GINM1: variants seen among roughly 807,000 people sequenced by gnomAD.
The protein encoded by GINM1 is glycoprotein integral membrane protein 1.
A neutral mutation model predicts 37.8 loss-of-function variants in GINM1; 29 were observed. The observed-to-expected ratio is 0.77, with a 90% confidence interval of 0.57 to 1.05. The LOEUF (loss-of-function observed/expected upper bound fraction) is 1.05. Among genes scored for constraint, GINM1 ranks in the 50% least tolerant of loss-of-function variants. GINM1 has a pLI of 0.00. For missense variants in GINM1, 377 were observed against 397.9 expected, an observed-to-expected ratio of 0.95 and a Z score of 0.45; for synonymous variants, 143 against 146.2, an observed-to-expected ratio of 0.98 and a Z score of 0.16.
intron 7 of GINM1, among the ~76,000 whole-genome samples, chr6:149,588,176 G>A (rs1344763596): frequency 7.9e-5 from 12 of 152,168 alleles, no homozygotes; most frequent in Admixed American, 7.9e-4. Flanking sequence ...ACAAGTAATT[G>A]TATTAACTCC....
In GINM1 at chr6:149,566,645, CG is replaced by C; in HGVS notation, c.120+114del. The C allele has an allele frequency of 7.5e-7, 1 of 1,334,908 alleles. No individual in the cohort carries two copies. Among genetic ancestry groups the C allele is most frequent in the Non-Finnish European group, 9.7e-7 (1 of 1,031,532 alleles). The allele number at this position is 1,334,908 out of a possible 1,614,324, so 82.7% of individuals were successfully genotyped here. On this transcript the variant is annotated intron_variant, in intron 1 of 7. Coordinates refer to ENST00000367419, the MANE Select transcript of GINM1 (RefSeq NM_138785.5). This position sits in a 1 kb window ranked among gnomAD's most constrained non-coding sequence, Gnocchi z 4.4. ...CCACCGGCGGGCAGGGGCGGGGGTC[CG>C]GGCCCCCGAAGGAGGTGTGGGGAGA...
intron 3 of GINM1, among the ~76,000 whole-genome samples, chr6:149,573,789 T>C (rs1053700593): frequency 6.6e-5 from 10 of 151,118 alleles, no homozygotes; most frequent in South Asian, 2.1e-4. Flanking sequence ...ATCGCCACTG[T>C]ACTCCAGCCT....
At chr6:149,589,758 T>G (rs1370370110) in intron 7 of GINM1, among the ~76,000 whole-genome samples, 1 of 152,212 alleles carries the variant, frequency 6.6e-6, no homozygotes. Flanking sequence ...GTGATCTATT[T>G]GTCTATTCCT....
chr6:149,586,066 C>T (rs999551995), intron 7 of GINM1, among the ~76,000 whole-genome samples: 5 of 152,044 alleles, frequency 3.3e-5, no homozygotes, highest in African/African-American at 1.2e-4. Context: ...TGTGTTAAGC[C>T]ATTTTGTGTT....
Position 149,583,855 on chromosome 6 carries a change from G to C in GINM1, c.881+1252G>C, listed in dbSNP as rs992058213. On this transcript the variant is annotated intron_variant, in intron 7 of 7. Transcript: ENST00000367419. ...AGTTATCTCTAATGAGTGGGAATGA[G>C]AGCAGAGGTGGAGAGACTGACTTTG... is the stretch of plus-strand genomic sequence containing the variant. Among the ~76,000 whole-genome samples, 3 of 152,130 alleles carry C rather than the reference G, an allele frequency of 2.0e-5. No individual in the cohort carries two copies. The East Asian group carries it at 5.8e-4, about 29-fold the overall frequency.
chr6:149,580,748 A>G lies in GINM1; in HGVS notation c.717+25A>G, dbSNP rs199626575. 3,264 of 1,604,324 alleles carry G rather than the reference A, an allele frequency of 2.0e-3. 4 individuals carry two copies. Among genetic ancestry groups the G allele is most frequent in the Non-Finnish European group, 2.5e-3 (2,956 of 1,172,794 alleles). On this transcript the variant is annotated intron_variant, in intron 6 of 7. Transcript: ENST00000367419. ...GGTAAATCAAGTATTTGGTGTTATC[A>G]TAAGCATTCATGGTTAAGATGAAGA...
intron 3 of GINM1, 70 bp from the exon 4 acceptor site, chr6:149,578,752 A>G: frequency 1.0e-5 from 11 of 1,083,096 alleles, no homozygotes; most frequent in Non-Finnish European, 1.5e-5. Context: ...ATGTCATCAA[A>G]ATAATCACAC....
At position 149,572,587 on chromosome 6, in the gene GINM1, C is replaced by G; in HGVS notation, c.261C>G (p.Ser87Arg). Residue 87 changes from serine (S) to arginine (R), a missense_variant, in exon 3 of 8, where the codon AGC becomes AGG. Ser to Arg is a moderately radical substitution (Grantham distance 110). Coordinates refer to ENST00000367419, the MANE Select transcript of GINM1 (RefSeq NM_138785.5). ...LPVNSGVTRI[S>R]CQTLIVKNEN... ...TAAATAGTGGTGTAACCCGAATAAG[C>G]TGTCAGACTTTGATAGGTGAGTATT... 5 of 1,583,958 alleles carry G rather than the reference C, an allele frequency of 3.2e-6. No individual in the cohort carries two copies. Among genetic ancestry groups the G allele is most frequent in the Non-Finnish European group, 4.3e-6 (5 of 1,153,376 alleles).
rs766681110 is a variant in GINM1, at chr6:149,582,548, G to A, written c.826G>A (p.Gly276Arg). The A allele has an allele frequency of 1.9e-6, 3 of 1,611,550 alleles. No individual in the cohort carries two copies. The highest frequency in any genetic ancestry group is 2.5e-6 in the Non-Finnish European group (3 of 1,179,276). The change falls in exon 7 of 8, where the codon GGA becomes AGA. Residue 276 changes from glycine (G) to arginine (R), a missense_variant. By Grantham distance (125) the Gly-to-Arg change is moderately radical (BLOSUM62 -2). Transcript: ENST00000367419. ...GAACATCATGGTGGTTGGAATTACA[G>A]GAGCAGCTGTGGTAATAACCATCTT... Reference protein sequence around the residue: ...FLNIMVVGITGAAVVITILKV... With the variant: ...FLNIMVVGITRAAVVITILKV...
At chr6:149,589,933 G>C (rs549697696) in intron 7 of GINM1, among the ~76,000 whole-genome samples, 1 of 152,262 alleles carries the variant, frequency 6.6e-6, no homozygotes, top group African/African-American at 2.4e-5. Flanking sequence ...TGAATAGCTA[G>C]CTAGCTGGGA....
At position 149,566,506 on chromosome 6, in the gene GINM1, A is replaced by AGAC; in HGVS notation, c.93_94insACG (p.Glu31_Pro32insThr). The AGAC allele has an allele frequency of 6.5e-7, 1 of 1,533,256 alleles. No homozygotes were observed. The highest frequency in any genetic ancestry group is 8.7e-7 in the Non-Finnish European group (1 of 1,149,214). The allele number at this position is 1,533,256 out of a possible 1,614,324, so 95.0% of individuals were successfully genotyped here. On this transcript the variant is annotated inframe_insertion, in exon 1 of 8. Coordinates refer to ENST00000367419, the MANE Select transcript of GINM1 (RefSeq NM_138785.5). This position sits in a 1 kb window ranked among gnomAD's most constrained non-coding sequence, Gnocchi z 4.4. ...GGCTGGCTGACGACGGGCGCCCCCG[A>AGAC]GCCGCCGCCGCTGTCCGGAGCCCCA...
At chr6:149,579,715 A>C in intron 4 of GINM1, 119 bp from the exon 5 acceptor site, 1 of 549,532 alleles carries the variant, frequency 1.8e-6, no homozygotes, top group Non-Finnish European at 3.1e-6. Flanking sequence ...AAAAAAGAGT[A>C]ATTGTCTGAA....
At chr6:149,567,893 T>G (rs745316093) in intron 1 of GINM1, among the ~76,000 whole-genome samples, 1 of 152,220 alleles carries the variant, frequency 6.6e-6, no homozygotes, top group Admixed American at 6.5e-5. Flanking sequence ...GTTCTGGAAA[T>G]ACGGACATTA....
intron 7 of GINM1, among the ~76,000 whole-genome samples, chr6:149,590,390 GGTGA>G (rs1430975485): frequency 2.0e-5 from 3 of 152,156 alleles, no homozygotes; most frequent in East Asian, 1.9e-4. Context: ...GTGTTGTGGT[GGTGA>G]GTATTATTTA....
chr6:149,590,736 T>C lies in GINM1; in HGVS notation c.891T>C (p.Leu297=), dbSNP rs117893690. The stretch of plus-strand genomic sequence containing the variant: ...TCACTTTCTATTTCAGAGGAATTCT[T>C]CAGTTGGATAAAGTGGACGTCATAC... ...FFPVSEYKGI[L]QLDKVDVIPV... is the part of the protein sequence containing the mutation. The change falls in exon 8 of 8, where the codon CTT becomes CTC. Residue 297 remains leucine (L), a synonymous_variant. Transcript: ENST00000367419. 2.0e-6 allele frequency: 3 copies of C among 1,524,832 alleles called. No individual in the cohort carries two copies. The East Asian group carries it at 6.7e-5, about 34-fold the overall frequency. The allele number at this position is 1,524,832 out of a possible 1,614,324, so 94.5% of individuals were successfully genotyped here.
intron 7 of GINM1, among the ~76,000 whole-genome samples, chr6:149,586,161 G>A (rs1179113690): frequency 6.6e-6 from 1 of 152,156 alleles, no homozygotes. Flanking sequence ...AACCGTGTAG[G>A]CTGTACAAGA....
At chr6:149,572,373 T>C in intron 2 of GINM1, 29 bp downstream of exon 2, 1 of 1,473,732 alleles carries the variant, frequency 6.8e-7, no homozygotes, top group Non-Finnish European at 9.4e-7. Context: ...TTTTAATATA[T>C]AATTTAGCTA....
Position 149,582,583 on chromosome 6 carries a change from T to C in GINM1, c.861T>C (p.Phe287=). The change falls in exon 7 of 8, where the codon TTT becomes TTC. Residue 287 remains phenylalanine, a synonymous_variant. Coordinates refer to ENST00000367419, the MANE Select transcript of GINM1 (RefSeq NM_138785.5). Reference sequence around the variant, plus strand: ...TGGTAATAACCATCTTAAAGGTGTTTTTCCCAGTTTCTGAATACAAGTAAG... The same window carrying C: ...TGGTAATAACCATCTTAAAGGTGTTCTTCCCAGTTTCTGAATACAAGTAAG... ...AAVVITILKV[F]FPVSEYKGIL... is the part of the protein sequence containing the mutation. The C allele has an allele frequency of 6.3e-7, 1 of 1,582,658 alleles. No individual in the cohort carries two copies. The highest frequency in any genetic ancestry group is 1.2e-5 in the South Asian group (1 of 84,316).
chr6:149,581,010 T>C (rs1053282539), intron 6 of GINM1, among the ~76,000 whole-genome samples: 1 of 152,228 alleles, frequency 6.6e-6, no homozygotes, highest in African/African-American at 2.4e-5. Context: ...GTGTTTATTC[T>C]GTACCCGCTA....
Sources: gnomAD v4.1 joint callset for allele counts (sites outside exome capture counted in the v4.1 genomes callset) on GRCh38, gnomAD v4.1.1 for gene constraint, Gnocchi (gnomAD v3.1) non-coding constraint, MANE v1.5 for transcripts, NCBI Gene and HGNC (gene_info 2026-07-23, HGNC 2026-07-21) for gene names.